PDE6C: variants seen among roughly 807,000 people sequenced by gnomAD.
The protein encoded by PDE6C is phosphodiesterase 6C, also known as cone cGMP-specific 3',5'-cyclic phosphodiesterase subunit alpha'.
Under a neutral mutation model 113.1 loss-of-function variants are expected in PDE6C, and 75 were observed. The observed-to-expected ratio is 0.66, with a 90% CI of 0.55 to 0.80. The LOEUF is 0.80. PDE6C is among the 30% of genes least tolerant of loss of function. The pLI is 0.00. For missense variants in PDE6C, 912 were observed against 1,038.6 expected (o/e 0.88, Z 1.67); for synonymous variants, 375 against 363.7 (o/e 1.03, Z -0.35).
Position 93,665,704 on chromosome 10 carries a change from T to C in PDE6C, c.*286T>C, listed in dbSNP as rs2058686995. On this transcript the variant is annotated 3_prime_UTR_variant, in exon 22 of 22. Coordinates refer to ENST00000371447, the MANE Select transcript of PDE6C (RefSeq NM_006204.4). ...CACAAATTCTTTTTTAAAACATTAATTGTATTTATTTGCTAAGGCTGCTAT... is the reference window on the plus strand; with the variant it reads ...CACAAATTCTTTTTTAAAACATTAACTGTATTTATTTGCTAAGGCTGCTAT... 2.4e-6 allele frequency: 1 copy of C among 408,848 alleles called. No homozygotes were observed. Among genetic ancestry groups the C allele is most frequent in the Admixed American group, 3.9e-5 (1 of 25,920 alleles). 25.3% of individuals were successfully genotyped at this position (408,848 alleles called of 1,614,324 possible). A position where few individuals can be genotyped will look rare whatever the true frequency, so the allele number is the denominator to read the frequency against.
chr10:93,660,541 C>T (rs879184837), intron 18 of PDE6C, among the ~76,000 whole-genome samples: 2 of 152,032 alleles, frequency 1.3e-5, no homozygotes, highest in South Asian at 2.1e-4. Flanking sequence ...GGTTTTATGA[C>T]CTACTTCAGG....
intron 14 of PDE6C, among the ~76,000 whole-genome samples, chr10:93,645,089 C>T (rs2058578152): frequency 3.3e-5 from 5 of 151,750 alleles, no homozygotes; most frequent in Admixed American, 2.6e-4. Context: ...AAAAGTGGAT[C>T]TCAGAAGATA....
intron 8 of PDE6C, among the ~76,000 whole-genome samples, chr10:93,630,762 C>T (rs1329507125): frequency 6.6e-6 from 1 of 152,150 alleles, no homozygotes; most frequent in East Asian, 1.9e-4. Context: ...CCACACCACA[C>T]CTTGGGGAAA....
At chr10:93,658,778 G>A in intron 16 of PDE6C, 123 bp from the exon 17 acceptor site, 1 of 697,818 alleles carries the variant, frequency 1.4e-6, no homozygotes, top group South Asian at 1.5e-5. Context: ...TGGCCCTGTA[G>A]ACTTTGCTAT....
chr10:93,641,897 G>A (rs961290663), intron 14 of PDE6C, among the ~76,000 whole-genome samples: 12 of 152,140 alleles, frequency 7.9e-5, no homozygotes, highest in East Asian at 5.8e-4. Flanking sequence ...CTGGGCTCAG[G>A]CAGATTTGGA....
chr10:93,624,846 C>G (rs1433990504), intron 4 of PDE6C, among the ~76,000 whole-genome samples: 3 of 152,210 alleles, frequency 2.0e-5, no homozygotes, highest in Non-Finnish European at 4.4e-5. Context: ...GGCAAGGTCT[C>G]TGCTACCTGC....
At chr10:93,662,696 TTC>T (rs2058671753) in intron 20 of PDE6C, 53 bp downstream of exon 20, 3 of 924,146 alleles carry the variant, frequency 3.2e-6, no homozygotes, top group Admixed American at 1.8e-5. Context: ...ATGAGAAATT[TTC>T]TTTCAAACTG....
At chr10:93,617,735 T>C (rs1008752442) in intron 1 of PDE6C, among the ~76,000 whole-genome samples, 4 of 152,178 alleles carry the variant, frequency 2.6e-5, no homozygotes, top group African/African-American at 9.7e-5. Context: ...GATCACGCCA[T>C]TGCACTCTAG....
chr10:93,630,555 G>A (rs1008074246), intron 8 of PDE6C, among the ~76,000 whole-genome samples: 2 of 151,932 alleles, frequency 1.3e-5, no homozygotes, highest in Admixed American at 1.3e-4. Context: ...CTGCCTCTGG[G>A]CACTTGTTAT....
chr10:93,641,071 AT>A (rs775861547), intron 14 of PDE6C, 42 bp downstream of exon 14: 1 of 1,174,918 alleles, frequency 8.5e-7, no homozygotes, highest in Non-Finnish European at 1.3e-6. Flanking sequence ...ATTGGTGGAC[AT>A]TGGAAAGTAC....
rs764178507 is a variant in PDE6C, at chr10:93,620,807, G to T, written c.633+23G>T. On this transcript the variant is annotated intron_variant, in intron 2 of 21. Coordinates refer to ENST00000371447, the MANE Select transcript of PDE6C (RefSeq NM_006204.4). ...GAGGTAATGCTAACCCTGGGCATCT[G>T]GTTGGAGGCTCAGGAAATTTATTTG... 4.3e-6 allele frequency: 7 copies of T among 1,613,912 alleles called. No individual in the cohort carries two copies. In the Admixed American group the frequency reaches 1.0e-4, roughly 23 times the overall value.
chr10:93,629,315 C>T lies in PDE6C; in HGVS notation c.1119+10C>T, dbSNP rs1396372500. The T allele has an allele frequency of 1.9e-6, 3 of 1,601,830 alleles. No homozygotes were observed. The highest frequency in any genetic ancestry group is 1.1e-5 in the South Asian group (1 of 90,864). On this transcript the variant is annotated intron_variant, in intron 8 of 21. Coordinates refer to ENST00000371447, the MANE Select transcript of PDE6C (RefSeq NM_006204.4). ...ATACTTCACATTTCAGGTAACTGCA[C>T]TCTGGGTCAGACCTCACCTCTTGGG... is the stretch of plus-strand genomic sequence containing the variant.
chr10:93,621,361 G>T lies in PDE6C; in HGVS notation c.723+381G>T, dbSNP rs74150285. Among the ~76,000 whole-genome samples, 596 of 152,296 alleles carry T rather than the reference G, an allele frequency of 3.9e-3. 4 individuals are homozygous for T. Among genetic ancestry groups the T allele is most frequent in the African/African-American group, 0.014 (578 of 41,536 alleles). Reference sequence around the variant, plus strand: ...TGGGTCATAGTAAACCTATTAATTTGAGGAGCATATTATTCCTAACTCCAT... The same window carrying T: ...TGGGTCATAGTAAACCTATTAATTTTAGGAGCATATTATTCCTAACTCCAT... On this transcript the variant is annotated intron_variant, in intron 3 of 21. Coordinates refer to ENST00000371447, the MANE Select transcript of PDE6C (RefSeq NM_006204.4).
chr10:93,633,996 A>AT (rs1179348617), intron 8 of PDE6C, among the ~76,000 whole-genome samples: 1 of 151,992 alleles, frequency 6.6e-6, no homozygotes, highest in African/African-American at 2.4e-5. Flanking sequence ...CAAAGTAGGA[A>AT]TTGCACATCT....
intron 18 of PDE6C, 129 bp from the exon 19 acceptor site, chr10:93,661,930 A>G (rs1274026969): frequency 1.4e-6 from 1 of 729,086 alleles, no homozygotes; most frequent in Non-Finnish European, 2.5e-6. Context: ...TTAAAAGTTA[A>G]GAGCATACGG....
rs2058488659 is a variant in PDE6C, at chr10:93,629,382, C to G, written c.1119+77C>G. ...GGATGCTCTCGCCTCTCCTCCACCC[C>G]CAGAGTCCGCCTGATGCTCAGGTGT... On this transcript the variant is annotated intron_variant, in intron 8 of 21. Coordinates refer to ENST00000371447, the MANE Select transcript of PDE6C (RefSeq NM_006204.4). The G allele has an allele frequency of 3.8e-6, 4 of 1,039,498 alleles. No homozygotes were observed. The Admixed American group carries it at 6.7e-5, about 18-fold the overall frequency. The allele number at this position is 1,039,498 out of a possible 1,614,324, so 64.4% of individuals were successfully genotyped here.
rs539470997 is a variant in PDE6C, at chr10:93,625,971, G to A, written c.939+322G>A. ...CCTGGGCCCTTCTTCAGATATGTGG[G>A]ATTAGAATCTCTAAGGAAGGGTTGG... On this transcript the variant is annotated intron_variant, in intron 5 of 21. Transcript: ENST00000371447. 2.6e-5 allele frequency among the ~76,000 whole-genome samples: 4 copies of A among 152,290 alleles called. No individual in the cohort carries two copies. The East Asian group carries it at 7.7e-4, about 29-fold the overall frequency.
chr10:93,622,468 A>G (rs750840493), intron 4 of PDE6C, among the ~76,000 whole-genome samples: 9 of 152,174 alleles, frequency 5.9e-5, no homozygotes, highest in Non-Finnish European at 8.8e-5. Context: ...ACTAAAGTCC[A>G]TAGTTTACAT....
intron 15 of PDE6C, among the ~76,000 whole-genome samples, chr10:93,654,766 C>CTTTCTTTCTT (rs1377659720): frequency 2.3e-5 from 1 of 43,822 alleles, no homozygotes. Context: ...TTCTTTCTTT[C>CTTTCTTTCTT]TTTCTTTCTT....
Sources: allele counts gnomAD v4.1 joint callset (sites outside exome capture counted in the v4.1 genomes callset), GRCh38; gene constraint gnomAD v4.1.1; transcripts MANE v1.5; gene names NCBI Gene and HGNC (gene_info 2026-07-23, HGNC 2026-07-21).